GLCCI1: variants seen among roughly 807,000 people sequenced by gnomAD.
The protein encoded by GLCCI1 is glucocorticoid induced 1.
A neutral mutation model predicts 52.2 loss-of-function variants in GLCCI1; 24 were observed. The observed-to-expected ratio is 0.46, with a 90% CI of 0.33 to 0.65. The LOEUF (loss-of-function observed/expected upper bound fraction) is 0.65. GLCCI1 is among the 30% of genes least tolerant of loss of function. GLCCI1 has a pLI of 0.02. For missense variants in GLCCI1, 704 were observed against 701.5 expected (o/e 1.00, Z -0.04); for synonymous variants, 310 against 276.5 (o/e 1.12, Z -1.20).
Position 8,042,507 on chromosome 7 carries a change from A to G in GLCCI1, c.697-12926A>G, listed in dbSNP as rs1782022997. ...GCAGATGTGGTGGAAATAGCAAGAG[A>G]ACTAGAATTAGAAGTGGAACATGGG... On this transcript the variant is annotated intron_variant, in intron 3 of 7. Transcript: ENST00000223145. 1.3e-5 allele frequency among the ~76,000 whole-genome samples: 2 copies of G among 152,202 alleles called. 1 individual carries two copies. Among genetic ancestry groups the G allele is most frequent in the South Asian group, 4.1e-4 (2 of 4,830 alleles).
rs1783116104 is a variant in GLCCI1 at position 8,086,786 on chromosome 7, A to G, written c.*248A>G. ...AAGTGGAGACTATGCATTTCATAGT[A>G]TATTTGACAGATTAGTACTGTGTCC... is the stretch of plus-strand genomic sequence containing the variant. On this transcript the variant is annotated 3_prime_UTR_variant, in exon 8 of 8. Coordinates refer to ENST00000223145, the MANE Select transcript of GLCCI1 (RefSeq NM_138426.4). This position sits in a 1 kb window ranked among gnomAD's most constrained non-coding sequence, Gnocchi z 4.4. The G allele has an allele frequency of 1.3e-5, 6 of 477,652 alleles. No individual in the cohort carries two copies. The highest frequency in any genetic ancestry group is 6.2e-5 in the South Asian group (2 of 32,006). The allele number at this position is 477,652 out of a possible 1,614,324, so 29.6% of individuals were successfully genotyped here.
chr7:8,018,382 C>T (rs1025114245), intron 2 of GLCCI1, among the ~76,000 whole-genome samples: 3 of 152,094 alleles, frequency 2.0e-5, no homozygotes, highest in African/African-American at 7.2e-5. Context: ...AACTAAAAAG[C>T]ATATTGGCCC....
At chr7:8,073,341 C>T (rs1192525490) in intron 6 of GLCCI1, among the ~76,000 whole-genome samples, 1 of 152,060 alleles carries the variant, frequency 6.6e-6, no homozygotes, top group African/African-American at 2.4e-5. Context: ...CCTTCCCTAG[C>T]CTAGTTTGTG....
chr7:7,992,097 T>TTCTG lies in GLCCI1; in HGVS notation c.458-11805_458-11802dup, dbSNP rs1554258546. Among the ~76,000 whole-genome samples the TTCTG allele has an allele frequency of 8.6e-4, 104 of 121,278 alleles. No individual in the cohort carries two copies. The East Asian group carries it at 0.013, about 16-fold the overall frequency. 79.6% of individuals were successfully genotyped at this position (121,278 alleles called of 152,430 possible). A position where few individuals can be genotyped will look rare whatever the true frequency, so the allele number is the denominator to read the frequency against. ...TTTCTTTCTTTCTTTCTTTCTTTCT[T>TTCTG]TCTGTCTGTTTCTCTCTCTCTCTCT... is the stretch of plus-strand genomic sequence containing the variant. On this transcript the variant is annotated intron_variant, in intron 1 of 7. Coordinates refer to ENST00000223145, the MANE Select transcript of GLCCI1 (RefSeq NM_138426.4).
At chr7:8,013,219 A>G (rs1254656888) in intron 2 of GLCCI1, among the ~76,000 whole-genome samples, 2 of 152,110 alleles carry the variant, frequency 1.3e-5, no homozygotes, top group Non-Finnish European at 2.9e-5. Flanking sequence ...TTCTTTTAAT[A>G]GTTTTATGTT....
chr7:8,013,355 C>T (rs1781308438), intron 2 of GLCCI1, among the ~76,000 whole-genome samples: 1 of 151,970 alleles, frequency 6.6e-6, no homozygotes, highest in Non-Finnish European at 1.5e-5. Context: ...CTTTTCCCTG[C>T]TGATTTGAGA....
chr7:8,029,535 T>C (rs1583984544), intron 3 of GLCCI1, among the ~76,000 whole-genome samples: 1 of 152,136 alleles, frequency 6.6e-6, no homozygotes, highest in Admixed American at 6.6e-5. Context: ...ACCAGTGTTA[T>C]TCAACATAGT....
chr7:8,055,696 AAGC>A, intron 4 of GLCCI1, 147 bp downstream of exon 4: 1 of 586,778 alleles, frequency 1.7e-6, no homozygotes, highest in Non-Finnish European at 2.9e-6. Flanking sequence ...GATTGTTAGA[AAGC>A]AGCCGGGCGG....
intron 6 of GLCCI1, among the ~76,000 whole-genome samples, chr7:8,082,296 TTC>T (rs1260717353): frequency 6.6e-6 from 1 of 152,212 alleles, no homozygotes; most frequent in Non-Finnish European, 1.5e-5. Context: ...AAAATATGTC[TTC>T]TTTGTATGTT....
At chr7:7,997,387 G>T (rs1190921867) in intron 1 of GLCCI1, among the ~76,000 whole-genome samples, 1 of 136,102 alleles carries the variant, frequency 7.3e-6, no homozygotes, top group Non-Finnish European at 1.6e-5. Context: ...CTTAGCCTTA[G>T]TGAACCAATA....
At chr7:7,985,316 A>G (rs1253022265) in intron 1 of GLCCI1, among the ~76,000 whole-genome samples, 1 of 152,166 alleles carries the variant, frequency 6.6e-6, no homozygotes, top group Non-Finnish European at 1.5e-5. Context: ...TAAAGTTCAC[A>G]TTCCTTTTTC....
chr7:7,994,903 A>G (rs116142829), intron 1 of GLCCI1, among the ~76,000 whole-genome samples: 1 of 152,096 alleles, frequency 6.6e-6, no homozygotes, highest in Non-Finnish European at 1.5e-5. Flanking sequence ...CACACTCTCC[A>G]TATTTGTCCA....
chr7:7,973,508 A>G (rs1440252414), intron 1 of GLCCI1, among the ~76,000 whole-genome samples: 1 of 152,034 alleles, frequency 6.6e-6, no homozygotes, highest in Non-Finnish European at 1.5e-5. Context: ...CATATTTAGA[A>G]TACTCTGGAT....
In GLCCI1 at chr7:7,991,926, T is replaced by C. The variant is rs182452086; in HGVS notation, c.458-11982T>C. Among the ~76,000 whole-genome samples the C allele has an allele frequency of 1.2e-3, 176 of 152,216 alleles. 1 individual carries two copies. The highest frequency in any genetic ancestry group is 3.4e-3 in the Middle Eastern group (1 of 294). ...TTTAGTGTGAATCCTCCAATTTCAG[T>C]TACTTTCTCCTCTAGATTGAGCAGG... On this transcript the variant is annotated intron_variant, in intron 1 of 7. Coordinates refer to ENST00000223145, the MANE Select transcript of GLCCI1 (RefSeq NM_138426.4).
chr7:8,007,523 C>T (rs1348800759), intron 2 of GLCCI1, among the ~76,000 whole-genome samples: 1 of 152,104 alleles, frequency 6.6e-6, no homozygotes, highest in Non-Finnish European at 1.5e-5. Context: ...CCTTCCCTAA[C>T]CATTTATTAG....
intron 1 of GLCCI1, among the ~76,000 whole-genome samples, chr7:7,997,652 G>C (rs1472726222): frequency 2.0e-5 from 3 of 152,116 alleles, no homozygotes; most frequent in African/African-American, 7.2e-5. Context: ...TAGAGGCTGG[G>C]CATGGTGGCT....
In GLCCI1 at chr7:7,969,434, G is replaced by T. The variant is rs1780288776; in HGVS notation, c.84G>T (p.Ala28=). 7.8e-7 allele frequency: 1 copy of T among 1,276,020 alleles called. No homozygotes were observed. 79.0% of individuals were successfully genotyped at this position (1,276,020 alleles called of 1,614,324 possible). A position where few individuals can be genotyped will look rare whatever the true frequency, so the allele number is the denominator to read the frequency against. Residue 28 remains alanine (A), a synonymous_variant, in exon 1 of 8, where the codon GCG becomes GCT. Coordinates refer to ENST00000223145, the MANE Select transcript of GLCCI1 (RefSeq NM_138426.4). This position sits in a 1 kb window ranked among gnomAD's most constrained non-coding sequence, Gnocchi z 4.9. The part of the protein sequence containing the change: ...PPSQRMRRSA[A]GSPPAVAAAG... ...CGCAGAGGATGAGGCGCAGCGCCGCGGGGTCCCCGCCCGCCGTCGCCGCCG... is the reference window on the plus strand; with the variant it reads ...CGCAGAGGATGAGGCGCAGCGCCGCTGGGTCCCCGCCCGCCGTCGCCGCCG...
chr7:8,043,351 A>G (rs1366317650), intron 3 of GLCCI1, among the ~76,000 whole-genome samples: 4 of 151,160 alleles, frequency 2.6e-5, no homozygotes, highest in African/African-American at 9.7e-5. Flanking sequence ...AAAAGCAGCC[A>G]TAGGCAGTAT....
Position 7,969,294 on chromosome 7 carries a change from G to A in GLCCI1, c.-57G>A. The A allele has an allele frequency of 2.4e-6, 3 of 1,248,440 alleles. No homozygotes were observed. The highest frequency in any genetic ancestry group is 2.9e-5 in the Admixed American group (1 of 35,084). The allele number at this position is 1,248,440 out of a possible 1,614,324, so 77.3% of individuals were successfully genotyped here. A position where few individuals can be genotyped will look rare whatever the true frequency, so the allele number is the denominator to read the frequency against. ...CGCGCCGGCTCCCACACGCTCGCGC[G>A]CCTCCCGCCCCGCGCCTCCGTGTCG... On this transcript the variant is annotated 5_prime_UTR_variant, in exon 1 of 8. Coordinates refer to ENST00000223145, the MANE Select transcript of GLCCI1 (RefSeq NM_138426.4). The surrounding 1 kb of genome is among the most constrained non-coding windows in gnomAD (Gnocchi z 4.9).
Sources: gnomAD v4.1 joint callset for allele counts (sites outside exome capture counted in the v4.1 genomes callset) on GRCh38, gnomAD v4.1.1 for gene constraint, Gnocchi (gnomAD v3.1) non-coding constraint, MANE v1.5 for transcripts, NCBI Gene and HGNC (gene_info 2026-07-23, HGNC 2026-07-21) for gene names.